Variants in TTI2 observed in about 807,000 individuals in gnomAD.
The protein encoded by TTI2 is TELO2 interacting protein 2, also known as TELO2-interacting protein 2.
TTI2 carries 26 observed loss-of-function variants against 44.9 expected under a neutral mutation model. The observed-to-expected ratio is 0.58, with a 90% CI of 0.42 to 0.80. TTI2 has a LOEUF of 0.80. Among genes scored for constraint, TTI2 ranks in the 30% least tolerant of loss-of-function variants. TTI2 has a pLI of 0.00. For missense variants in TTI2, 582 were observed against 611.6 expected, an observed-to-expected ratio of 0.95 and a Z score of 0.51; for synonymous variants, 254 against 250.9, an observed-to-expected ratio of 1.01 and a Z score of -0.12.
chr8:33,508,054 C>CGAAAAAA (rs1200011734), intron 3 of TTI2, among the ~76,000 whole-genome samples: 2 of 78,304 alleles, frequency 2.6e-5, no homozygotes, highest in African/African-American at 1.0e-4. Flanking sequence ...GTCATTTTTT[C>CGAAAAAA]TGACAAGACA....
In TTI2 at chr8:33,499,347, T is replaced by C; in HGVS notation, c.1423-70A>G. ...ATTACTTTCCCCTTTTGCTTGATTC[T>C]TCTTCCTTGGTATCATATTCAAAGG... On this transcript the variant is annotated intron_variant, in intron 7 of 7. Transcript: ENST00000431156. 2.7e-6 allele frequency: 3 copies of C among 1,112,780 alleles called. No individual in the cohort carries two copies. The South Asian group carries it at 3.9e-5, about 14-fold the overall frequency. The allele number at this position is 1,112,780 out of a possible 1,614,324, so 68.9% of individuals were successfully genotyped here. A position where few individuals can be genotyped will look rare whatever the true frequency, so the allele number is the denominator to read the frequency against.
chr8:33,511,964 CACTT>C lies in TTI2; in HGVS notation c.646_647+2del, dbSNP rs757327448. On this transcript the variant is annotated splice_donor_variant and coding_sequence_variant, in exon 2 of 8. Transcript: ENST00000431156. LOFTEE classifies it high-confidence loss of function. Reference sequence around the variant, plus strand: ...GTCGGTGGCAAAGGGCAGGAGTACTCACTTATACAAGTCGGGTTTGAGAAGCCCT... The same window carrying C: ...GTCGGTGGCAAAGGGCAGGAGTACTCATACAAGTCGGGTTTGAGAAGCCCT... 4 of 1,614,164 alleles carry C rather than the reference CACTT, an allele frequency of 2.5e-6. No individual in the cohort carries two copies. Among genetic ancestry groups the C allele is most frequent in the Non-Finnish European group, 3.4e-6 (4 of 1,180,022 alleles).
intron 3 of TTI2, among the ~76,000 whole-genome samples, chr8:33,509,260 C>T (rs993471603): frequency 1.3e-5 from 2 of 151,294 alleles, no homozygotes; most frequent in African/African-American, 4.9e-5. Context: ...AGTTGAAGAC[C>T]GGCCTGGCCA....
intron 6 of TTI2, 133 bp downstream of exon 6, chr8:33,503,296 A>G (rs899614509): frequency 1.6e-6 from 2 of 1,268,056 alleles, no homozygotes; most frequent in Admixed American, 2.0e-5. Flanking sequence ...TTAAAATCCT[A>G]TAGGTGTGTG....
Position 33,512,415 on chromosome 8 carries a change from A to AC in TTI2, c.198dup (p.Leu67ValfsTer3). On this transcript the variant is annotated frameshift_variant, in exon 2 of 8. Coordinates refer to ENST00000431156, the MANE Select transcript of TTI2 (RefSeq NM_001102401.4). LOFTEE classifies it high-confidence loss of function. ...AGCCGTGCACCAGTCCCCTCAAATA[A>AC]CCTATCAAATTCTGTGGCTTCTATT... 1.2e-6 allele frequency: 2 copies of AC among 1,613,964 alleles called. No individual in the cohort carries two copies. Among genetic ancestry groups the AC allele is most frequent in the Non-Finnish European group, 1.7e-6 (2 of 1,179,936 alleles).
At chr8:33,505,678 G>A (rs970765619) in intron 4 of TTI2, among the ~76,000 whole-genome samples, 4 of 151,270 alleles carry the variant, frequency 2.6e-5, no homozygotes, top group African/African-American at 9.7e-5. Context: ...TTTTTTAGAC[G>A]GAGTGTTACT....
intron 3 of TTI2, among the ~76,000 whole-genome samples, chr8:33,508,617 C>CAAAAAAA (rs55717202): frequency 2.3e-3 from 144 of 63,920 alleles, no homozygotes; most frequent in African/African-American, 7.3e-3. Flanking sequence ...GACTCTGCCT[C>CAAAAAAA]AAAAAAAAAA....
rs534810372 is a variant in TTI2 at position 33,507,947 on chromosome 8, C to CCACTGCA, written c.835-633_835-627dup. ...GAGGCTGCAGTGAGCTATGATTGTG[C>CCACTGCA]CACTGCACTCTAGCCTGGGTAACAG... On this transcript the variant is annotated intron_variant, in intron 3 of 7. Transcript: ENST00000431156. 3.0e-3 allele frequency among the ~76,000 whole-genome samples: 441 copies of CCACTGCA among 146,768 alleles called. 9 individuals are homozygous for CCACTGCA. Among genetic ancestry groups the CCACTGCA allele is most frequent in the Admixed American group, 0.023 (330 of 14,616 alleles).
At chr8:33,503,980 C>T (rs756402016) in intron 4 of TTI2, 45 bp from the exon 5 acceptor site, 2 of 1,592,678 alleles carry the variant, frequency 1.3e-6, no homozygotes, top group Non-Finnish European at 1.7e-6. Context: ...CATCCATTTG[C>T]ATTTACAATA....
At chr8:33,507,431 C>T (rs1809340483) in intron 3 of TTI2, 110 bp from the exon 4 acceptor site, 3 of 859,096 alleles carry the variant, frequency 3.5e-6, no homozygotes, top group Non-Finnish European at 5.8e-6. Context: ...CATGCCATCC[C>T]AAAATATGCA....
intron 2 of TTI2, 124 bp from the exon 3 acceptor site, chr8:33,510,056 A>G: frequency 2.7e-6 from 2 of 749,334 alleles, no homozygotes; most frequent in East Asian, 2.7e-5. Context: ...TACATCGCAC[A>G]TAAGATAACT....
intron 6 of TTI2, among the ~76,000 whole-genome samples, chr8:33,502,418 G>GTA (rs1385742936): frequency 6.6e-6 from 1 of 152,010 alleles, no homozygotes; most frequent in Admixed American, 6.5e-5. Context: ...CTAGAGAGAG[G>GTA]TACAACCTGT....
intron 2 of TTI2, among the ~76,000 whole-genome samples, chr8:33,510,145 T>G (rs1809475337): frequency 1.3e-5 from 2 of 152,166 alleles, no homozygotes; most frequent in African/African-American, 4.8e-5. Flanking sequence ...TCCAGGGCTT[T>G]GGGTCTACAG....
rs371440709 is a variant in TTI2 at position 33,512,655 on chromosome 8, G to A, written c.-42C>T. 4.9e-5 allele frequency: 78 copies of A among 1,604,914 alleles called. No homozygotes were observed. In the African/African-American group the frequency reaches 6.7e-4, roughly 14 times the overall value. On this transcript the variant is annotated 5_prime_UTR_variant, in exon 2 of 8. Transcript: ENST00000431156. ...AGAAGGCTGGTCTCTCCCACAGAAC[G>A]AGGATGGAGGCGGGGAGGGATCCGT...
chr8:33,507,264 T>G lies in TTI2; in HGVS notation c.892A>C (p.Asn298His), dbSNP rs1809331840. The change falls in exon 4 of 8, where the codon AAC becomes CAC. Residue 298 changes from asparagine to histidine, a missense_variant. Coordinates refer to ENST00000431156, the MANE Select transcript of TTI2 (RefSeq NM_001102401.4). The stretch of plus-strand genomic sequence containing the variant: ...TGGTGCTCTGGTGTGTACAGGTGGT[T>G]GGAAATGGCATGGTATAGGACCTGG... ...RAQVLYHAIS[N>H]HLYTPEHHLI... 2 of 1,614,048 alleles carry G rather than the reference T, an allele frequency of 1.2e-6. No homozygotes were observed. The highest frequency in any genetic ancestry group is 1.7e-5 in the Admixed American group (1 of 59,996).
Position 33,503,514 on chromosome 8 carries a change from G to C in TTI2, c.1174C>G (p.Leu392Val). ...TCCTCAGGTCCATCATAAACCTCCA[G>C]ATAACCAATGATGACTCTCTCCAGC... The part of the protein sequence containing the change: ...KRLERVIIGY[L>V]EVYDGPEEEA... Residue 392 changes from leucine (L) to valine (V), a missense_variant, in exon 6 of 8, where the codon CTG (leucine) becomes GTG (valine). Physicochemically the swap from Leu to Val is conservative, Grantham distance 32. Coordinates refer to ENST00000431156, the MANE Select transcript of TTI2 (RefSeq NM_001102401.4). The C allele has an allele frequency of 6.2e-7, 1 of 1,614,044 alleles. No homozygotes were observed. Among genetic ancestry groups the C allele is most frequent in the Non-Finnish European group, 8.5e-7 (1 of 1,180,014 alleles).
At chr8:33,508,639 A>AAAAAAAG (rs1554527751) in intron 3 of TTI2, among the ~76,000 whole-genome samples, 20 of 148,264 alleles carry the variant, frequency 1.3e-4, no homozygotes, top group African/African-American at 4.7e-4. Flanking sequence ...AAAAAAAAAA[A>AAAAAAAG]GGGCAGGGGG....
In TTI2 at chr8:33,512,685, G is replaced by A; in HGVS notation, c.-72C>T. On this transcript the variant is annotated 5_prime_UTR_variant, in exon 2 of 8. Coordinates refer to ENST00000431156, the MANE Select transcript of TTI2 (RefSeq NM_001102401.4). ...TGGAGGCGGGGAGGGATCCGTTGAA[G>A]AGGGAAGGAGCGATCACCCAAAGAG... The A allele has an allele frequency of 5.8e-6, 9 of 1,543,724 alleles. No homozygotes were observed. Among genetic ancestry groups the A allele is most frequent in the Non-Finnish European group, 7.9e-6 (9 of 1,136,148 alleles).
At position 33,512,083 on chromosome 8, in the gene TTI2, G is replaced by C. The variant is rs376553205; in HGVS notation, c.531C>G (p.Thr177=). The change falls in exon 2 of 8, where the codon ACC becomes ACG. Residue 177 remains threonine, a synonymous_variant. Coordinates refer to ENST00000431156, the MANE Select transcript of TTI2 (RefSeq NM_001102401.4). ...CGCATTCAGTAACTTGAAGCAGTGA[G>C]GTGAGCACCTCCCTAGCAACTTCCC... ...RSREVAREVL[T]SLLQVTECGS... The C allele has an allele frequency of 2.5e-6, 4 of 1,613,914 alleles. No individual in the cohort carries two copies. The highest frequency in any genetic ancestry group is 2.7e-5 in the African/African-American group (2 of 74,860).
Sources: allele counts gnomAD v4.1 joint callset (sites outside exome capture counted in the v4.1 genomes callset), GRCh38; gene constraint gnomAD v4.1.1; transcripts MANE v1.5; gene names NCBI Gene and HGNC (gene_info 2026-07-23, HGNC 2026-07-21).